Variants in EBF2 observed in about 807,000 individuals in gnomAD.
The protein encoded by EBF2 is transcription factor COE2.
Under a neutral mutation model 72.8 loss-of-function variants are expected in EBF2, and 21 were observed. The observed-to-expected ratio is 0.29, with a 90% confidence interval of 0.20 to 0.42. The LOEUF (loss-of-function observed/expected upper bound fraction) is 0.42. Ranked by LOEUF, EBF2 falls within the 10% of genes least tolerant of loss-of-function variation. EBF2 has a pLI of 1.00. For synonymous variants in EBF2, 299 were observed against 274.2 expected (o/e 1.09, Z -0.89); for missense variants, 637 against 731.2 (o/e 0.87, Z 1.49).
At chr8:25,919,939 G>T (rs1803281020) in intron 6 of EBF2, among the ~76,000 whole-genome samples, 1 of 152,178 alleles carries the variant, frequency 6.6e-6, no homozygotes, top group Non-Finnish European at 1.5e-5. Context: ...GGGTAGTTTG[G>T]AAACATAACA....
chr8:25,955,895 T>C (rs1361078140), intron 6 of EBF2, among the ~76,000 whole-genome samples: 1 of 152,144 alleles, frequency 6.6e-6, no homozygotes, highest in African/African-American at 2.4e-5. Flanking sequence ...AACACTGCTC[T>C]CCCAAGAACT....
rs146794885 is a variant in EBF2 at position 25,961,402 on chromosome 8, C to T, written c.552-52847G>A. On this transcript the variant is annotated intron_variant, in intron 6 of 15. Transcript: ENST00000520164. ...GTTTTGAGACGGAGTCTCACTCTGT[C>T]GCCCAGACTGGAGTGCAGTGGCGCG... Among the ~76,000 whole-genome samples the T allele has an allele frequency of 5.3e-5, 8 of 152,154 alleles. No homozygotes were observed. In the East Asian group the frequency reaches 1.2e-3, roughly 22 times the overall value.
intron 6 of EBF2, among the ~76,000 whole-genome samples, chr8:25,927,523 C>T (rs2117141507): frequency 6.6e-6 from 1 of 152,100 alleles, no homozygotes. Context: ...ACTTCTATCA[C>T]TATAGAAACT....
intron 6 of EBF2, among the ~76,000 whole-genome samples, chr8:25,937,956 G>A (rs1449552349): frequency 1.3e-5 from 2 of 152,004 alleles, no homozygotes; most frequent in Non-Finnish European, 2.9e-5. Context: ...GAGTGTGGGG[G>A]TGAAAAAGAT....
At chr8:25,935,217 G>T (rs2117150380) in intron 6 of EBF2, among the ~76,000 whole-genome samples, 1 of 152,168 alleles carries the variant, frequency 6.6e-6, no homozygotes, top group East Asian at 1.9e-4. Context: ...GCAGCCAGTT[G>T]GTGCCAAATA....
intron 8 of EBF2, among the ~76,000 whole-genome samples, chr8:25,889,512 A>G (rs1248934316): frequency 6.6e-6 from 1 of 152,140 alleles, no homozygotes; most frequent in Admixed American, 6.6e-5. Context: ...CAAAAAGGAA[A>G]ACACAGAACA....
At chr8:25,858,070 A>G (rs1477394343) in intron 14 of EBF2, 1 of 635,822 alleles carries the variant, frequency 1.6e-6, no homozygotes, top group African/African-American at 1.8e-5. Context: ...CAGGCCACAC[A>G]TGCTCTTTCT....
At chr8:25,871,205 A>C (rs1278762436) in intron 10 of EBF2, among the ~76,000 whole-genome samples, 1 of 151,846 alleles carries the variant, frequency 6.6e-6, no homozygotes, top group East Asian at 1.9e-4. Flanking sequence ...CTGGCTTTTC[A>C]GTCCTGGTAT....
intron 6 of EBF2, among the ~76,000 whole-genome samples, chr8:26,002,924 GGGCA>G (rs1161731154): frequency 2.1e-4 from 1 of 4,792 alleles, no homozygotes; most frequent in Admixed American, 2.0e-3. Context: ...GCGGGCAGGC[GGGCA>G]GGCAGGCAGG....
chr8:26,004,168 T>C (rs895679946), intron 6 of EBF2, among the ~76,000 whole-genome samples: 4 of 152,132 alleles, frequency 2.6e-5, no homozygotes, highest in African/African-American at 9.7e-5. Context: ...ATGTGGAGTT[T>C]GTTGTCACCA....
chr8:26,000,920 G>A (rs1368581479), intron 6 of EBF2, among the ~76,000 whole-genome samples: 2 of 152,214 alleles, frequency 1.3e-5, no homozygotes, highest in Admixed American at 1.3e-4. Context: ...TGGTCATGCT[G>A]CAGGAAGTGA....
intron 6 of EBF2, among the ~76,000 whole-genome samples, chr8:25,993,686 C>A (rs759317485): frequency 4.1e-4 from 63 of 152,002 alleles, no homozygotes; most frequent in Admixed American, 1.2e-3. Flanking sequence ...CTCCCTAGAA[C>A]ACAGAGGGGT....
At chr8:25,949,280 G>T (rs75967837) in intron 6 of EBF2, among the ~76,000 whole-genome samples, 1 of 152,272 alleles carries the variant, frequency 6.6e-6, no homozygotes, top group East Asian at 1.9e-4. Flanking sequence ...CCTTCAGCAC[G>T]TTCTGTAACT....
At chr8:25,912,567 C>T (rs543196028) in intron 6 of EBF2, among the ~76,000 whole-genome samples, 212 of 151,532 alleles carry the variant, frequency 1.4e-3, no homozygotes, top group African/African-American at 4.7e-3. Context: ...ACTGCAGTGT[C>T]CCAAGTTGAA....
At chr8:25,984,261 A>C (rs1440567977) in intron 6 of EBF2, among the ~76,000 whole-genome samples, 1 of 152,204 alleles carries the variant, frequency 6.6e-6, no homozygotes. Flanking sequence ...ATATTGGCTG[A>C]CTTAATGTGA....
At chr8:26,014,203 A>G (rs1805072133) in intron 6 of EBF2, among the ~76,000 whole-genome samples, 1 of 152,102 alleles carries the variant, frequency 6.6e-6, no homozygotes, top group South Asian at 2.1e-4. Context: ...TTAAATCTTA[A>G]CTTATCAAAG....
At chr8:25,860,221 T>C (rs994754777) in intron 13 of EBF2, among the ~76,000 whole-genome samples, 1 of 152,208 alleles carries the variant, frequency 6.6e-6, no homozygotes, top group African/African-American at 2.4e-5. Context: ...CTGCTTCACA[T>C]GTAAAAGCAC....
intron 6 of EBF2, among the ~76,000 whole-genome samples, chr8:25,961,583 G>A (rs1267730660): frequency 6.6e-6 from 1 of 152,042 alleles, no homozygotes; most frequent in Non-Finnish European, 1.5e-5. Flanking sequence ...GGCTGGTCTT[G>A]AACTCTTGAC....
chr8:25,970,390 T>C (rs1804172654), intron 6 of EBF2, among the ~76,000 whole-genome samples: 1 of 152,152 alleles, frequency 6.6e-6, no homozygotes, highest in South Asian at 2.1e-4. Context: ...CGGGCATATT[T>C]TAAGCTCCAG....
Sources: allele counts gnomAD v4.1 joint callset (sites outside exome capture counted in the v4.1 genomes callset), GRCh38; gene constraint gnomAD v4.1.1; transcripts MANE v1.5; gene names NCBI Gene and HGNC (gene_info 2026-07-23, HGNC 2026-07-21).